Variants in CRISP3 observed in about 807,000 individuals in gnomAD.
CRISP3 encodes the protein cysteine rich secretory protein 3, also known as cysteine-rich secretory protein 3.
CRISP3 carries 33 observed loss-of-function variants against 36.1 expected under a neutral mutation model. That is an observed-to-expected ratio of 0.91 (90% CI 0.69 to 1.22). The LOEUF is 1.22. CRISP3 is among the 50% of genes most tolerant of loss of function. The pLI is 0.00. For missense variants in CRISP3, 330 were observed against 301.2 expected (o/e 1.10, Z -0.71); for synonymous variants, 117 against 104.6 (o/e 1.12, Z -0.72).
At chr6:49,742,929 G>A (rs1251745262) in intron 1 of CRISP3, among the ~76,000 whole-genome samples, 1 of 152,156 alleles carries the variant, frequency 6.6e-6, no homozygotes, top group African/African-American at 2.4e-5. Flanking sequence ...TATAATGTGT[G>A]CACTATAGGT....
intron 5 of CRISP3, 145 bp downstream of exon 5, chr6:49,733,558 C>T (rs1582191675): frequency 3.7e-6 from 3 of 800,356 alleles, no homozygotes; most frequent in South Asian, 3.9e-5. Flanking sequence ...TGACAGTTCA[C>T]AGCTGAAATA....
At chr6:49,738,683 A>G (rs906260762) in intron 1 of CRISP3, among the ~76,000 whole-genome samples, 1 of 152,064 alleles carries the variant, frequency 6.6e-6, no homozygotes, top group Non-Finnish European at 1.5e-5. Context: ...CCAGCACTAA[A>G]TTCAGCTTTC....
At chr6:49,732,212 A>G (rs1400160507) in intron 6 of CRISP3, among the ~76,000 whole-genome samples, 1 of 152,174 alleles carries the variant, frequency 6.6e-6, no homozygotes, top group Non-Finnish European at 1.5e-5. Context: ...TGCTGACTCC[A>G]GATGCTCTCC....
At chr6:49,733,497 G>A (rs9473645) in intron 5 of CRISP3, among the ~76,000 whole-genome samples, 12 of 151,968 alleles carry the variant, frequency 7.9e-5, no homozygotes, top group African/African-American at 2.9e-4. Flanking sequence ...TTTTGAGACC[G>A]TTGGACAAAG....
At position 49,728,773 on chromosome 6, in the gene CRISP3, T is replaced by C; in HGVS notation, c.734A>G (p.Asp245Gly). ...TLTCKHQLVR[D>G]SCKASCNCSN... Reference sequence around the variant, plus strand: ...ACAATTGCAGGAGGCCTTGCAACTGTCCCTGACCAACTGATGTTTACAGGT... The same window carrying C: ...ACAATTGCAGGAGGCCTTGCAACTGCCCCTGACCAACTGATGTTTACAGGT... The change falls in exon 8 of 8, where the codon GAC becomes GGC. Residue 245 changes from aspartate to glycine, a missense_variant. Physicochemically the swap from Asp to Gly is moderately conservative, Grantham distance 94. Transcript: ENST00000263045. 1 of 1,612,608 alleles carries C rather than the reference T, an allele frequency of 6.2e-7. No individual in the cohort carries two copies. The highest frequency in any genetic ancestry group is 8.5e-7 in the Non-Finnish European group (1 of 1,179,182).
intron 3 of CRISP3, among the ~76,000 whole-genome samples, chr6:49,736,012 C>T (rs1315423737): frequency 1.3e-5 from 2 of 151,926 alleles, no homozygotes; most frequent in Non-Finnish European, 2.9e-5. Flanking sequence ...AGACATGTGG[C>T]CTTTGGTACA....
chr6:49,737,439 A>C, intron 1 of CRISP3, 41 bp from the exon 2 acceptor site: 1 of 1,610,318 alleles, frequency 6.2e-7, no homozygotes, highest in African/African-American at 1.3e-5. Context: ...CTGCATTAAA[A>C]TGATTGGTAC....
At chr6:49,742,631 C>CAAAAAAAA (rs33995764) in intron 1 of CRISP3, among the ~76,000 whole-genome samples, 3 of 71,236 alleles carry the variant, frequency 4.2e-5, no homozygotes, top group Non-Finnish European at 8.3e-5. Context: ...GACTCCATCT[C>CAAAAAAAA]AAAAAAAAAA....
chr6:49,731,692 T>C (rs1768920384), intron 6 of CRISP3, among the ~76,000 whole-genome samples: 1 of 99,000 alleles, frequency 1.0e-5, no homozygotes, highest in South Asian at 2.8e-4. Context: ...TAACTTATAA[T>C]TAAAAATAAA....
At position 49,731,150 on chromosome 6, in the gene CRISP3, A is replaced by G; in HGVS notation, c.649+13T>C. 1 of 1,529,736 alleles carries G rather than the reference A, an allele frequency of 6.5e-7. No individual in the cohort carries two copies. Among genetic ancestry groups the G allele is most frequent in the Non-Finnish European group, 8.9e-7 (1 of 1,122,296 alleles). 94.8% of individuals were successfully genotyped at this position (1,529,736 alleles called of 1,614,324 possible). A position where few individuals can be genotyped will look rare whatever the true frequency, so the allele number is the denominator to read the frequency against. On this transcript the variant is annotated intron_variant, in intron 7 of 7. Transcript: ENST00000263045. ...ATTTTATTTTATTATCAAGTTAATCACTTCAAACTTACTGCATAGTCCATC... is the reference window on the plus strand; with the variant it reads ...ATTTTATTTTATTATCAAGTTAATCGCTTCAAACTTACTGCATAGTCCATC...
In CRISP3 at chr6:49,731,239, A is replaced by G; in HGVS notation, c.573T>C (p.Ala191=). 2 of 1,593,996 alleles carry G rather than the reference A, an allele frequency of 1.3e-6. No individual in the cohort carries two copies. Among genetic ancestry groups the G allele is most frequent in the Non-Finnish European group, 8.5e-7 (1 of 1,171,336 alleles). The change falls in exon 7 of 8, where the codon GCT becomes GCC. Residue 191 remains alanine (A), a synonymous_variant. Transcript: ENST00000263045. ...VCQYCPAGNW[A]NRLYVPYEQG... ...GTTCATAAGGGACATATAGTCTATT[A>G]GCCCAATTACCACTGAAATTTGAAA...
intron 6 of CRISP3, 148 bp from the exon 7 acceptor site, chr6:49,731,399 T>G: frequency 2.1e-6 from 1 of 476,084 alleles, no homozygotes; most frequent in Non-Finnish European, 3.7e-6. Context: ...TCAGAGTATA[T>G]TCAGACAATA....
At chr6:49,742,374 G>C (rs761314630) in intron 1 of CRISP3, among the ~76,000 whole-genome samples, 1 of 152,148 alleles carries the variant, frequency 6.6e-6, no homozygotes, top group Non-Finnish European at 1.5e-5. Context: ...GCTCATGCCT[G>C]TAATCCTAGC....
At chr6:49,743,591 T>C (rs544032402) in intron 1 of CRISP3, among the ~76,000 whole-genome samples, 1 of 152,340 alleles carries the variant, frequency 6.6e-6, no homozygotes, top group African/African-American at 2.4e-5. Context: ...CCCTTTCATG[T>C]TGTCATTAGG....
At chr6:49,733,672 A>C (rs552959054) in intron 5 of CRISP3, 31 bp downstream of exon 5, 1 of 1,585,450 alleles carries the variant, frequency 6.3e-7, no homozygotes, top group Admixed American at 1.8e-5. Flanking sequence ...GGCACTTATA[A>C]AGGAGATGGT....
chr6:49,733,401 T>C (rs938023096), intron 5 of CRISP3, 109 bp from the exon 6 acceptor site: 13 of 783,938 alleles, frequency 1.7e-5, no homozygotes, highest in Non-Finnish European at 2.7e-5. Flanking sequence ...ACATATTTTG[T>C]TTTCATATAC....
chr6:49,731,357 T>C (rs1315182300), intron 6 of CRISP3, 106 bp from the exon 7 acceptor site: 2 of 498,052 alleles, frequency 4.0e-6, no homozygotes, highest in Non-Finnish European at 7.1e-6. Context: ...ATTAAATGTT[T>C]TTAATTATGT....
Position 49,728,239 on chromosome 6 carries a change from A to G in CRISP3, c.*491T>C, listed in dbSNP as rs544741897. The G allele has an allele frequency of 2.0e-5, 3 of 152,228 alleles. No individual in the cohort carries two copies. The highest frequency in any genetic ancestry group is 4.8e-5 in the African/African-American group (2 of 41,456). 9.4% of individuals were successfully genotyped at this position (152,228 alleles called of 1,614,324 possible). ...GAGGATGCCAGCCAGATGATTGGGA[A>G]GAAGGGTGAATGAGTGAAAAGAATT... On this transcript the variant is annotated 3_prime_UTR_variant, in exon 8 of 8. Coordinates refer to ENST00000263045, the MANE Select transcript of CRISP3 (RefSeq NM_006061.4).
chr6:49,733,295 A>G lies in CRISP3; in HGVS notation c.463-3T>C, dbSNP rs756860294. 3.8e-6 allele frequency: 6 copies of G among 1,582,262 alleles called. No homozygotes were observed. Among genetic ancestry groups the G allele is most frequent in the South Asian group, 1.1e-5 (1 of 87,426 alleles). The stretch of plus-strand genomic sequence containing the variant: ...AGGTATGAAGAGTACCAAACAACCT[A>G]TAAACCAATAAGTGAAGATATGAGA... On this transcript the variant is annotated splice_region_variant and splice_polypyrimidine_tract_variant and intron_variant, in intron 5 of 7. Coordinates refer to ENST00000263045, the MANE Select transcript of CRISP3 (RefSeq NM_006061.4).
Sources: allele counts gnomAD v4.1 joint callset (sites outside exome capture counted in the v4.1 genomes callset), GRCh38; gene constraint gnomAD v4.1.1; transcripts MANE v1.5; gene names NCBI Gene and HGNC (gene_info 2026-07-23, HGNC 2026-07-21).